The following RALGPS1 variants were observed in gnomAD, a reference collection of about 807,000 sequenced individuals.
The protein encoded by RALGPS1 is ras-specific guanine nucleotide-releasing factor RalGPS1.
A neutral mutation model predicts 78.8 loss-of-function variants in RALGPS1; 19 were observed. The ratio of observed to expected loss-of-function variants is 0.24; its 90% CI spans 0.17 to 0.35. The LOEUF is 0.35. Among genes scored for constraint, RALGPS1 ranks in the 10% least tolerant of loss-of-function variants. The pLI, the probability that RALGPS1 is intolerant of heterozygous loss-of-function variation, is 1.00. For synonymous variants in RALGPS1, 228 were observed against 256.3 expected (o/e 0.89, Z 1.06); for missense variants, 454 against 688.3 (o/e 0.66, Z 3.81).
At chr9:127,191,108 G>A (rs2061003512) in intron 11 of RALGPS1, among the ~76,000 whole-genome samples, 1 of 152,086 alleles carries the variant, frequency 6.6e-6, no homozygotes, top group African/African-American at 2.4e-5. Flanking sequence ...GATATTTGAA[G>A]TTCTCTGTGT....
intron 8 of RALGPS1, among the ~76,000 whole-genome samples, chr9:127,080,422 C>A (rs942393845): frequency 6.6e-6 from 1 of 152,234 alleles, no homozygotes; most frequent in African/African-American, 2.4e-5. Flanking sequence ...TTTCCAGAGG[C>A]AGCCAGTGTT....
rs1194271374 is a variant in RALGPS1 at position 127,107,888 on chromosome 9, A to C, written c.610+38532A>C. 2.0e-6 allele frequency: 3 copies of C among 1,515,436 alleles called. No homozygotes were observed. In the African/African-American group the frequency reaches 4.2e-5, roughly 21 times the overall value. 93.9% of individuals were successfully genotyped at this position (1,515,436 alleles called of 1,614,324 possible). ...CCTGGTGCCTGGCTCTGAGACCCAC[A>C]TGTAACACGATCCCAGAAGCACTTA... On this transcript the variant is annotated intron_variant, in intron 8 of 18. Transcript: ENST00000259351.
chr9:126,921,465 G>GTAC (rs1564254025), intron 1 of RALGPS1, among the ~76,000 whole-genome samples: 1 of 152,234 alleles, frequency 6.6e-6, no homozygotes, highest in Non-Finnish European at 1.5e-5. Flanking sequence ...GGCATGAGTT[G>GTAC]TACTTGTCTC....
At chr9:126,990,278 T>C (rs2042168379) in intron 4 of RALGPS1, 3 of 362,586 alleles carry the variant, frequency 8.3e-6, no homozygotes, top group Admixed American at 4.4e-5. Flanking sequence ...CCTAGTCTAA[T>C]CCACTGCCAT....
intron 4 of RALGPS1, among the ~76,000 whole-genome samples, chr9:127,000,743 G>A (rs1226800618): frequency 4.7e-5 from 7 of 150,246 alleles, no homozygotes; most frequent in African/African-American, 1.5e-4. Context: ...TAGTAGAGAC[G>A]GGGCTTCGCC....
chr9:127,210,911 G>C (rs2062215528), intron 14 of RALGPS1: 3 of 735,686 alleles, frequency 4.1e-6, no homozygotes, highest in Non-Finnish European at 6.6e-6. Context: ...ACTGCCAGGT[G>C]CACTGGCTGT....
chr9:126,967,947 T>C (rs2039689550), intron 3 of RALGPS1, among the ~76,000 whole-genome samples: 2 of 152,172 alleles, frequency 1.3e-5, no homozygotes, highest in African/African-American at 4.8e-5. Flanking sequence ...GCCCAAAATA[T>C]ACCTGGCTCA....
intron 8 of RALGPS1, among the ~76,000 whole-genome samples, chr9:127,093,454 G>C (rs1218541319): frequency 6.6e-6 from 1 of 152,186 alleles, no homozygotes; most frequent in Non-Finnish European, 1.5e-5. Flanking sequence ...CTCTCACCCT[G>C]TCCTGTGGGG....
intron 4 of RALGPS1, among the ~76,000 whole-genome samples, chr9:127,004,257 T>G (rs371022650): frequency 6.6e-6 from 1 of 152,196 alleles, no homozygotes; most frequent in Non-Finnish European, 1.5e-5. Context: ...GTGATTCTCC[T>G]GCCTCAGCCT....
In RALGPS1 at chr9:127,016,468, G is replaced by A. The variant is rs556560734; in HGVS notation, c.217-17963G>A. 6.6e-5 allele frequency among the ~76,000 whole-genome samples: 10 copies of A among 152,228 alleles called. No individual in the cohort carries two copies. In the South Asian group the frequency reaches 2.1e-3, roughly 32 times the overall value. ...GGGCTGACTTTAAGTCACAGAGGGG[G>A]TTTAGGACACATCTCAGATTAGAAC... On this transcript the variant is annotated intron_variant, in intron 4 of 18. Coordinates refer to ENST00000259351, the MANE Select transcript of RALGPS1 (RefSeq NM_014636.3).
Position 127,214,772 on chromosome 9 carries a change from C to G in RALGPS1, c.1574C>G (p.Thr525Ser), listed in dbSNP as rs2062480037. 6.2e-7 allele frequency: 1 copy of G among 1,610,780 alleles called. No individual in the cohort carries two copies. Among genetic ancestry groups the G allele is most frequent in the Non-Finnish European group, 8.5e-7 (1 of 1,178,854 alleles). Residue 525 changes from threonine (T) to serine (S), a missense_variant, in exon 18 of 19, where the codon ACT becomes AGT. Transcript: ENST00000259351. ...TCAGGCAATGTTTACAAGTTTCAGACTGGTTCCCGATTTCATGCAATACTG... is the reference window on the plus strand; with the variant it reads ...TCAGGCAATGTTTACAAGTTTCAGAGTGGTTCCCGATTTCATGCAATACTG... ...PDKGNVYKFQ[T>S]GSRFHAILWH... is the part of the protein sequence containing the mutation.
chr9:127,180,684 G>A (rs927966098), intron 11 of RALGPS1, among the ~76,000 whole-genome samples: 1 of 152,234 alleles, frequency 6.6e-6, no homozygotes, highest in Admixed American at 6.5e-5. Context: ...GGGGGACAGA[G>A]GGAGCTCCTG....
At chr9:126,983,654 C>G (rs776274413) in intron 4 of RALGPS1, among the ~76,000 whole-genome samples, 3 of 152,146 alleles carry the variant, frequency 2.0e-5, no homozygotes, top group Admixed American at 1.3e-4. Flanking sequence ...TTGGTTGTTA[C>G]GTTTCTCAAA....
chr9:126,986,073 T>G (rs1326873701), intron 4 of RALGPS1, among the ~76,000 whole-genome samples: 1 of 152,228 alleles, frequency 6.6e-6, no homozygotes, highest in Non-Finnish European at 1.5e-5. Flanking sequence ...AGATTCACAT[T>G]TCCAAATGCA....
chr9:127,052,770 C>A, intron 6 of RALGPS1, 77 bp from the exon 7 acceptor site: 1 of 872,190 alleles, frequency 1.1e-6, no homozygotes, highest in African/African-American at 1.7e-5. Context: ...ATAAATATGA[C>A]ATTTGGTAAC....
intron 1 of RALGPS1, among the ~76,000 whole-genome samples, chr9:126,920,296 A>G (rs1210835041): frequency 6.6e-6 from 1 of 152,078 alleles, no homozygotes; most frequent in Non-Finnish European, 1.5e-5. Flanking sequence ...CAAATATTTG[A>G]GTGCTGACTC....
At chr9:126,997,013 G>A (rs1382963204) in intron 4 of RALGPS1, among the ~76,000 whole-genome samples, 3 of 152,160 alleles carry the variant, frequency 2.0e-5, no homozygotes, top group Admixed American at 2.0e-4. Flanking sequence ...CAATAAATTA[G>A]ATATTGATGG....
At position 126,944,266 on chromosome 9, in the gene RALGPS1, G is replaced by A. The variant is rs114043286; in HGVS notation, c.-65-17959G>A. On this transcript the variant is annotated intron_variant, in intron 1 of 18. Transcript: ENST00000259351. ...GGAGAGAAGAGAAGGCCTTGAATAGGTGATGATCTTTTGGCACTTAGTGAC... is the reference window on the plus strand; with the variant it reads ...GGAGAGAAGAGAAGGCCTTGAATAGATGATGATCTTTTGGCACTTAGTGAC... Among the ~76,000 whole-genome samples the A allele has an allele frequency of 2.1e-3, 314 of 152,356 alleles. 2 individuals are homozygous for A. Among genetic ancestry groups the A allele is most frequent in the African/African-American group, 7.0e-3 (290 of 41,592 alleles).
At chr9:127,025,041 C>T (rs2045847818) in intron 4 of RALGPS1, among the ~76,000 whole-genome samples, 1 of 152,172 alleles carries the variant, frequency 6.6e-6, no homozygotes, top group South Asian at 2.1e-4. Context: ...GTTCTGTGTG[C>T]CCCTTTGTAG....
Sources: allele counts gnomAD v4.1 joint callset (sites outside exome capture counted in the v4.1 genomes callset), GRCh38; gene constraint gnomAD v4.1.1; transcripts MANE v1.5; gene names NCBI Gene and HGNC (gene_info 2026-07-23, HGNC 2026-07-21).